Variants in KIAA1217 observed in about 807,000 individuals in gnomAD.
KIAA1217 encodes the protein KIAA1217.
KIAA1217 carries 88 observed loss-of-function variants against 163.9 expected under a neutral mutation model. The ratio of observed to expected loss-of-function variants is 0.54; its 90% CI spans 0.45 to 0.64. The LOEUF is 0.64. KIAA1217 is among the 30% of genes least tolerant of loss of function. KIAA1217 has a pLI of 0.00. For synonymous variants in KIAA1217, 903 were observed against 923.1 expected, an observed-to-expected ratio of 0.98 and a Z score of 0.39; for missense variants, 2,372 against 2,475.0, an observed-to-expected ratio of 0.96 and a Z score of 0.88.
chr10:24,026,353 T>A (rs868027176), intron 2 of KIAA1217, among the ~76,000 whole-genome samples: 52 of 152,052 alleles, frequency 3.4e-4, no homozygotes, highest in African/African-American at 1.2e-3. Flanking sequence ...TGTTATACTA[T>A]TCTTAAATGT....
At chr10:23,745,338 G>A (rs11013692) in intron 1 of KIAA1217, among the ~76,000 whole-genome samples, 31,190 of 152,094 alleles carry the variant, frequency 0.21, 3,373 homozygotes, top group Middle Eastern at 0.25. Context: ...TGACACTCTA[G>A]TTATTTCCAT....
At chr10:24,138,534 T>C (rs2063923263) in intron 2 of KIAA1217, among the ~76,000 whole-genome samples, 1 of 152,156 alleles carries the variant, frequency 6.6e-6, no homozygotes. Flanking sequence ...TATTGTAAGC[T>C]ATTTGTAGAC....
intron 2 of KIAA1217, among the ~76,000 whole-genome samples, chr10:24,038,925 G>A (rs548116820): frequency 2.0e-5 from 3 of 151,910 alleles, no homozygotes; most frequent in African/African-American, 2.4e-5. Context: ...TGTATTTTTC[G>A]TAGAAACAAG....
At chr10:24,455,940 G>A (rs1207074179) in intron 5 of KIAA1217, among the ~76,000 whole-genome samples, 1 of 152,102 alleles carries the variant, frequency 6.6e-6, no homozygotes, top group Non-Finnish European at 1.5e-5. Context: ...CCAGGCTGGA[G>A]TGCAGTGGTG....
intron 2 of KIAA1217, among the ~76,000 whole-genome samples, chr10:24,242,785 C>A (rs142983238): frequency 6.6e-6 from 1 of 151,980 alleles, no homozygotes; most frequent in Non-Finnish European, 1.5e-5. Flanking sequence ...CCATTCTGAC[C>A]GGTGTGAGAT....
intron 1 of KIAA1217, among the ~76,000 whole-genome samples, chr10:23,914,659 A>C (rs1842567312): frequency 6.6e-6 from 1 of 152,138 alleles, no homozygotes; most frequent in Non-Finnish European, 1.5e-5. Flanking sequence ...CCGTGGCTCT[A>C]TGCACATAAC....
chr10:24,057,378 G>A (rs893494811), intron 2 of KIAA1217, among the ~76,000 whole-genome samples: 3 of 152,070 alleles, frequency 2.0e-5, no homozygotes, highest in Non-Finnish European at 2.9e-5. Context: ...TAGAAAATTC[G>A]TTCATCTTGC....
At chr10:24,453,954 A>T (rs531299710) in intron 5 of KIAA1217, among the ~76,000 whole-genome samples, 1 of 152,316 alleles carries the variant, frequency 6.6e-6, no homozygotes, top group African/African-American at 2.4e-5. Context: ...ATATAGCCAA[A>T]GTGGTGATAG....
chr10:24,160,643 C>G (rs940789993), intron 2 of KIAA1217, among the ~76,000 whole-genome samples: 2 of 152,126 alleles, frequency 1.3e-5, no homozygotes, highest in African/African-American at 4.8e-5. Flanking sequence ...GGATTTTCCT[C>G]TCGGCCTTTC....
rs762609741 is a variant in KIAA1217, at chr10:24,108,069, G to A, written c.-171+100695G>A. Among the ~76,000 whole-genome samples, 5 of 152,164 alleles carry A rather than the reference G, an allele frequency of 3.3e-5. No individual in the cohort carries two copies. In the East Asian group the frequency reaches 7.7e-4, roughly 23 times the overall value. On this transcript the variant is annotated intron_variant, in intron 2 of 18. Coordinates refer to the KIAA1217 transcript ENST00000376462. ...CATCAGAGGTCAAAGCAAGGAAGAG[G>A]GAAGAAGTAGCCAAGAAGGTTCCAG...
intron 2 of KIAA1217, among the ~76,000 whole-genome samples, chr10:24,018,012 C>T (rs1025841505): frequency 6.6e-6 from 1 of 152,008 alleles, no homozygotes. Flanking sequence ...ACCTTTGTAG[C>T]CCCCCAAAAA....
chr10:23,965,603 C>T (rs926106351), intron 1 of KIAA1217, among the ~76,000 whole-genome samples: 2 of 152,216 alleles, frequency 1.3e-5, no homozygotes, highest in African/African-American at 4.8e-5. Flanking sequence ...AGAAACAAAA[C>T]GTTGCCATCT....
At chr10:23,917,288 A>T (rs1306640290) in intron 1 of KIAA1217, among the ~76,000 whole-genome samples, 2 of 152,102 alleles carry the variant, frequency 1.3e-5, no homozygotes, top group African/African-American at 4.8e-5. Flanking sequence ...AATTTCCAAA[A>T]CCATGGTCCC....
intron 2 of KIAA1217, among the ~76,000 whole-genome samples, chr10:24,015,562 C>T (rs1452820419): frequency 6.6e-6 from 1 of 151,920 alleles, no homozygotes. Flanking sequence ...TCAAGACCAG[C>T]CTGGCCAACG....
At chr10:23,815,415 T>C (rs756480643) in intron 1 of KIAA1217, among the ~76,000 whole-genome samples, 72 of 152,118 alleles carry the variant, frequency 4.7e-4, no homozygotes, top group Non-Finnish European at 7.6e-4. Context: ...GAGGCCGAGG[T>C]GGGCGGATCA....
intron 2 of KIAA1217, among the ~76,000 whole-genome samples, chr10:24,366,567 T>C (rs2050811606): frequency 6.6e-6 from 1 of 152,260 alleles, no homozygotes; most frequent in Non-Finnish European, 1.5e-5. Flanking sequence ...GGTTCAAATA[T>C]TAGAATTTGT....
intron 2 of KIAA1217, among the ~76,000 whole-genome samples, chr10:24,338,188 C>T (rs1298754418): frequency 2.6e-5 from 4 of 152,170 alleles, no homozygotes; most frequent in Non-Finnish European, 5.9e-5. Flanking sequence ...TTTCTAGGTT[C>T]TGCCAATGCA....
intron 6 of KIAA1217, 91 bp downstream of exon 6, chr10:24,474,151 T>C: frequency 3.3e-6 from 3 of 908,348 alleles, no homozygotes; most frequent in Non-Finnish European, 5.0e-6. Context: ...AGAATAAATG[T>C]CTGAGCACCC....
chr10:23,870,619 G>A (rs187741386), intron 1 of KIAA1217, among the ~76,000 whole-genome samples: 22 of 152,190 alleles, frequency 1.4e-4, no homozygotes, highest in East Asian at 3.9e-4. Flanking sequence ...CAAGTTTTAC[G>A]TACTTTAAAT....
Sources: gnomAD v4.1 joint callset for allele counts (sites outside exome capture counted in the v4.1 genomes callset) on GRCh38, gnomAD v4.1.1 for gene constraint, MANE v1.5 for transcripts, NCBI Gene and HGNC (gene_info 2026-07-23, HGNC 2026-07-21) for gene names.